OSBPL6: variants seen among roughly 807,000 people sequenced by gnomAD.
OSBPL6 encodes oxysterol-binding protein-related protein 6.
OSBPL6 carries 49 observed loss-of-function variants against 125.8 expected under a neutral mutation model. The ratio of observed to expected loss-of-function variants is 0.39; its 90% CI spans 0.31 to 0.49. The LOEUF is 0.49. Ranked by LOEUF, OSBPL6 falls within the 20% of genes least tolerant of loss-of-function variation. The pLI is 0.88. For synonymous variants in OSBPL6, 394 were observed against 391.8 expected (o/e 1.01, Z -0.07); for missense variants, 986 against 1,135.4 (o/e 0.87, Z 1.89).
intron 15 of OSBPL6, among the ~76,000 whole-genome samples, chr2:178,381,191 T>G (rs370027064): frequency 6.6e-6 from 1 of 152,186 alleles, no homozygotes; most frequent in African/African-American, 2.4e-5. Context: ...TATCTTCTCT[T>G]TCCTGATCTG....
At chr2:178,282,514 AAG>A (rs1394448933) in intron 1 of OSBPL6, among the ~76,000 whole-genome samples, 2 of 152,118 alleles carry the variant, frequency 1.3e-5, no homozygotes, top group Non-Finnish European at 2.9e-5. Flanking sequence ...AATGAGCAAA[AAG>A]AGCTGCAGGA....
chr2:178,238,191 T>C (rs2091140071), intron 1 of OSBPL6, among the ~76,000 whole-genome samples: 1 of 152,216 alleles, frequency 6.6e-6, no homozygotes, highest in Non-Finnish European at 1.5e-5. Context: ...CTGAACATAT[T>C]ATATGGAAAA....
chr2:178,343,922 T>G (rs1690459213), intron 11 of OSBPL6, among the ~76,000 whole-genome samples: 1 of 152,226 alleles, frequency 6.6e-6, no homozygotes. Flanking sequence ...CTGAACTTAC[T>G]TTTTCCTTGC....
At chr2:178,237,446 C>T (rs1341419340) in intron 1 of OSBPL6, among the ~76,000 whole-genome samples, 1 of 152,178 alleles carries the variant, frequency 6.6e-6, no homozygotes, top group Non-Finnish European at 1.5e-5. Context: ...TCCTCTATTG[C>T]TCACCCATTG....
At position 178,207,842 on chromosome 2, in the gene OSBPL6, CTAATT is replaced by C. The variant is rs533877058; in HGVS notation, c.-351+13172_-351+13176del. 5.4e-3 allele frequency among the ~76,000 whole-genome samples: 828 copies of C among 152,242 alleles called. 9 individuals are homozygous for C. Among genetic ancestry groups the C allele is most frequent in the African/African-American group, 0.018 (760 of 41,554 alleles). ...TAGGTAGTAACTGGTTTGAAAAAGT[CTAATT>C]TAAGAGGTAATAACTTGAAGCTAAT... is the stretch of plus-strand genomic sequence containing the variant. On this transcript the variant is annotated intron_variant, in intron 1 of 24. Coordinates refer to ENST00000190611, the MANE Select transcript of OSBPL6 (RefSeq NM_032523.4).
At chr2:178,325,354 G>A (rs1688603274) in intron 4 of OSBPL6, among the ~76,000 whole-genome samples, 1 of 152,126 alleles carries the variant, frequency 6.6e-6, no homozygotes, top group African/African-American at 2.4e-5. Flanking sequence ...CTACCCAACT[G>A]TATGGAATAT....
intron 1 of OSBPL6, among the ~76,000 whole-genome samples, chr2:178,273,550 A>C (rs994231722): frequency 1.3e-5 from 2 of 152,170 alleles, no homozygotes; most frequent in African/African-American, 4.8e-5. Context: ...ACTGCACTCC[A>C]GCCTGGGTGA....
intron 12 of OSBPL6, among the ~76,000 whole-genome samples, chr2:178,350,987 C>G (rs1332057371): frequency 1.3e-5 from 2 of 152,066 alleles, no homozygotes; most frequent in Non-Finnish European, 2.9e-5. Flanking sequence ...AAGACAAAAA[C>G]CACATAATCA....
intron 23 of OSBPL6, among the ~76,000 whole-genome samples, 156 bp from the exon 24 acceptor site, chr2:178,394,157 C>T (rs1360970037): frequency 2.0e-5 from 3 of 152,190 alleles, no homozygotes; most frequent in Non-Finnish European, 4.4e-5. Context: ...TGAGATCACA[C>T]CACTGCACTC....
chr2:178,359,823 C>T (rs1429454496), intron 12 of OSBPL6, among the ~76,000 whole-genome samples: 2 of 152,208 alleles, frequency 1.3e-5, no homozygotes, highest in Non-Finnish European at 2.9e-5. Context: ...TGCAGTGGCT[C>T]ACACTTGTAA....
At position 178,372,326 on chromosome 2, in the gene OSBPL6, G is replaced by A. The variant is rs1311146409; in HGVS notation, c.1395+93G>A. The A allele has an allele frequency of 6.3e-6, 5 of 787,614 alleles. No individual in the cohort carries two copies. In the Admixed American group the frequency reaches 1.4e-4, roughly 22 times the overall value. The allele number at this position is 787,614 out of a possible 1,614,324, so 48.8% of individuals were successfully genotyped here. The stretch of plus-strand genomic sequence containing the variant: ...TTTATTTATATCCAGTTCTTTCACA[G>A]TTAATAAGGTTCCCTCCATAAATAT... On this transcript the variant is annotated intron_variant, in intron 14 of 24. Transcript: ENST00000190611.
chr2:178,281,971 T>G (rs974352791), intron 1 of OSBPL6, among the ~76,000 whole-genome samples: 1 of 152,126 alleles, frequency 6.6e-6, no homozygotes, highest in Admixed American at 6.6e-5. Flanking sequence ...AAAAAATTGT[T>G]TGCACAGAAT....
At chr2:178,199,242 C>A in intron 1 of OSBPL6, among the ~76,000 whole-genome samples, 1 of 152,262 alleles carries the variant, frequency 6.6e-6, no homozygotes, top group East Asian at 1.9e-4. Context: ...GTGTCAGTAT[C>A]CAAAGGCAGC....
intron 1 of OSBPL6, among the ~76,000 whole-genome samples, chr2:178,235,532 G>C (rs1392658522): frequency 3.3e-5 from 5 of 149,364 alleles, no homozygotes; most frequent in Admixed American, 2.0e-4. Context: ...TCAGCCTCCC[G>C]AGTAGCTGGG....
chr2:178,249,827 GTTTT>G lies in OSBPL6; in HGVS notation c.-350-35085_-350-35082del, dbSNP rs34986231. Among the ~76,000 whole-genome samples the G allele has an allele frequency of 7.2e-3, 865 of 119,502 alleles. 7 individuals carry two copies. The highest frequency in any genetic ancestry group is 0.025 in the African/African-American group (812 of 32,368). 78.4% of individuals were successfully genotyped at this position (119,502 alleles called of 152,430 possible). A position where few individuals can be genotyped will look rare whatever the true frequency, so the allele number is the denominator to read the frequency against. ...TATTATAAAATCCCTAACTAGAAGT[GTTTT>G]TTTTTTTTTTTTTTGGAATCTTATA... On this transcript the variant is annotated intron_variant, in intron 1 of 24. Coordinates refer to ENST00000190611, the MANE Select transcript of OSBPL6 (RefSeq NM_032523.4).
chr2:178,206,540 GGTTTA>G (rs367632789), intron 1 of OSBPL6, among the ~76,000 whole-genome samples: 7 of 152,224 alleles, frequency 4.6e-5, no homozygotes, highest in African/African-American at 1.4e-4. Context: ...CTTACCATAG[GGTTTA>G]GTTTACTTAC....
chr2:178,322,074 T>G (rs975967830), intron 3 of OSBPL6, among the ~76,000 whole-genome samples: 24 of 152,222 alleles, frequency 1.6e-4, no homozygotes, highest in African/African-American at 5.5e-4. Flanking sequence ...CAGGAAAAAT[T>G]TATTTCCATC....
At chr2:178,330,211 A>C in intron 5 of OSBPL6, among the ~76,000 whole-genome samples, 1 of 140,038 alleles carries the variant, frequency 7.1e-6, no homozygotes, top group South Asian at 2.3e-4. Flanking sequence ...TTGGATAGAC[A>C]GAAATGGAAA....
At chr2:178,309,132 T>A (rs1687034654) in intron 3 of OSBPL6, among the ~76,000 whole-genome samples, 1 of 152,112 alleles carries the variant, frequency 6.6e-6, no homozygotes, top group South Asian at 2.1e-4. Context: ...CTCAACCAGA[T>A]GCCTCCCTAT....
Sources: allele counts gnomAD v4.1 joint callset (sites outside exome capture counted in the v4.1 genomes callset), GRCh38; gene constraint gnomAD v4.1.1; transcripts MANE v1.5; gene names NCBI Gene and HGNC (gene_info 2026-07-23, HGNC 2026-07-21).